BCORL1: variants seen among roughly 807,000 people sequenced by gnomAD.
BCORL1 encodes BCL6 corepressor like 1.
Under a neutral mutation model 87.6 loss-of-function variants are expected in BCORL1, and 7 were observed. The ratio of observed to expected loss-of-function variants is 0.08; its 90% CI spans 0.05 to 0.15. The LOEUF is 0.15. Among genes scored for constraint, BCORL1 ranks in the 10% least tolerant of loss-of-function variants. BCORL1 has a pLI of 1.00. For synonymous variants in BCORL1, 591 were observed against 634.4 expected (o/e 0.93, Z 1.03); for missense variants, 1,215 against 1,499.7 (o/e 0.81, Z 3.13).
chrX:130,012,753 G>T, intron 3 of BCORL1, 85 bp downstream of exon 3: 1 of 1,028,950 alleles, frequency 9.7e-7, no homozygotes, highest in Non-Finnish European at 1.3e-6. Context: ...GCCATCCCAG[G>T]AAGTGGGCAG....
At chrX:130,031,526 A>G (rs1392450882) in intron 8 of BCORL1, among the ~76,000 whole-genome samples, 2 of 112,311 alleles carry the variant, frequency 1.8e-5, no homozygotes, top group East Asian at 5.6e-4. Context: ...GCTCACGCCT[A>G]TAATCCCAGC....
At chrX:130,017,099 T>C in intron 4 of BCORL1, among the ~76,000 whole-genome samples, 1 of 111,994 alleles carries the variant, frequency 8.9e-6, no homozygotes, top group South Asian at 3.7e-4. Context: ...ATGGTCTTTT[T>C]TGGACCATAG....
At position 130,034,475 on chromosome X, in the gene BCORL1, G is replaced by A; in HGVS notation, c.4326G>A (p.Gln1442=). 1 of 983,065 alleles carries A rather than the reference G, an allele frequency of 1.0e-6. No individual in the cohort carries two copies. The allele number at this position is 983,065 out of a possible 1,213,427, so 81.0% of individuals were successfully genotyped here. A position where few individuals can be genotyped will look rare whatever the true frequency, so the allele number is the denominator to read the frequency against. The part of the protein sequence containing the change: ...EEAKGKGRWS[Q]QKTRSPKSPT... ...TCCAGGGCAAAGGTCGTTGGAGCCA[G>A]CAGAAGACACGATCTCCCAAATCTC... Residue 1442 remains glutamine, a synonymous_variant, in exon 9 of 14, where the codon CAG becomes CAA. Coordinates refer to ENST00000540052, the MANE Select transcript of BCORL1 (RefSeq NM_001379451.1).
intron 13 of BCORL1, among the ~76,000 whole-genome samples, chrX:130,053,358 G>A (rs1191219708): frequency 1.8e-5 from 2 of 109,585 alleles, no homozygotes; most frequent in South Asian, 8.1e-4. Context: ...GCACTAGTAG[G>A]GATCAAGTTT....
At chrX:130,041,844 G>C (rs1212858082) in intron 11 of BCORL1, among the ~76,000 whole-genome samples, 2 of 111,319 alleles carry the variant, frequency 1.8e-5, no homozygotes, top group South Asian at 7.5e-4. Flanking sequence ...AGCCAGGATG[G>C]TCTCGATCTC....
intron 11 of BCORL1, among the ~76,000 whole-genome samples, chrX:130,043,938 T>G (rs189890932): frequency 0.016 from 1,642 of 103,498 alleles, 31 homozygotes; most frequent in African/African-American, 0.054. Context: ...CCCGGCTAAT[T>G]TTTTTTGTAT....
chrX:129,982,419 C>T (rs916468579), upstream of BCORL1, among the ~76,000 whole-genome samples: 8 of 111,021 alleles, frequency 7.2e-5, no homozygotes, highest in Non-Finnish European at 7.6e-5. Flanking sequence ...CTGCTTTCGT[C>T]CCTCCCTCTC....
At chrX:130,032,521 A>T (rs1047512558) in intron 8 of BCORL1, among the ~76,000 whole-genome samples, 1 of 111,529 alleles carries the variant, frequency 9.0e-6, no homozygotes, top group Admixed American at 9.5e-5. Context: ...TGTTGGTTAC[A>T]TAGGTCAGCC....
At chrX:130,023,659 A>C (rs1930005914) in intron 6 of BCORL1, among the ~76,000 whole-genome samples, 1 of 112,177 alleles carries the variant, frequency 8.9e-6, no homozygotes, top group African/African-American at 3.2e-5. Context: ...GCGAGGTGGT[A>C]ATTGGGGCTC....
At position 130,055,911 on chromosome X, in the gene BCORL1, G is replaced by C. The variant is rs1340142380; in HGVS notation, c.5133G>C (p.Arg1711Ser). 1 of 1,210,732 alleles carries C rather than the reference G, an allele frequency of 8.3e-7. No individual in the cohort carries two copies. The highest frequency in any genetic ancestry group is 1.7e-5 in the African/African-American group (1 of 57,459). The part of the protein sequence containing the change: ...DVLKRLKLSS[R>S]IFQARFPHFE... ...TGAAGAGGCTGAAGCTTTCCTCGAG[G>C]ATCTTTCAGGCCCGGTTCCCGCACT... Residue 1711 changes from arginine to serine, a missense_variant, in exon 14 of 14, where the codon AGG (arginine) becomes AGC (serine). Transcript: ENST00000540052.
chrX:129,999,402 G>A (rs769356080), intron 1 of BCORL1, among the ~76,000 whole-genome samples: 3 of 96,617 alleles, frequency 3.1e-5, no homozygotes, highest in Admixed American at 1.3e-4. Context: ...TCTGCCTCCC[G>A]GGCTCAAGCA....
At chrX:130,029,109 AG>A (rs1930426247) in intron 8 of BCORL1, among the ~76,000 whole-genome samples, 1 of 112,118 alleles carries the variant, frequency 8.9e-6, no homozygotes, top group Non-Finnish European at 1.9e-5. Context: ...GAAGAGTTAA[AG>A]AATATGGCAG....
upstream of BCORL1, chrX:129,981,474 C>G: frequency 9.0e-6 from 1 of 110,813 alleles, no homozygotes; most frequent in Non-Finnish European, 1.9e-5. Flanking sequence ...ATTTACCCCC[C>G]ACCCAAGCGA....
At chrX:129,983,926 C>T (rs1445585218) in intron 1 of BCORL1, among the ~76,000 whole-genome samples, 2 of 109,661 alleles carry the variant, frequency 1.8e-5, no homozygotes, top group Non-Finnish European at 3.8e-5. Context: ...CAGGGGCAAT[C>T]CCCCGGCCCT....
At chrX:130,029,818 T>C (rs1431697600) in intron 8 of BCORL1, among the ~76,000 whole-genome samples, 1 of 110,178 alleles carries the variant, frequency 9.1e-6, no homozygotes, top group Non-Finnish European at 1.9e-5. Flanking sequence ...GCCCGGCTAA[T>C]TTTTGTATTT....
intron 1 of BCORL1, among the ~76,000 whole-genome samples, chrX:129,985,531 G>T (rs1051507332): frequency 1.8e-5 from 2 of 111,890 alleles, no homozygotes; most frequent in Non-Finnish European, 3.8e-5. Context: ...GAAGCAAAAG[G>T]CTGGGGAGGA....
chrX:130,005,310 G>C lies in BCORL1; in HGVS notation c.79G>C (p.Glu27Gln). Reference sequence around the variant, plus strand: ...CCGGATTCGCATGTGTGGCATCAACGAGGAGAGGTGAGGAGGCCAGGAAGG... The same window carrying C: ...CCGGATTCGCATGTGTGGCATCAACCAGGAGAGGTGAGGAGGCCAGGAAGG... ...SDRIRMCGINEERRAPLSDEE... is the reference protein window; with the variant it reads ...SDRIRMCGINQERRAPLSDEE... Residue 27 changes from glutamate to glutamine, a missense_variant, in exon 2 of 14, where the codon GAG (glutamate) becomes CAG (glutamine). Transcript: ENST00000540052. The C allele has an allele frequency of 8.3e-7, 1 of 1,210,171 alleles. No homozygotes were observed. Among genetic ancestry groups the C allele is most frequent in the Non-Finnish European group, 1.1e-6 (1 of 894,072 alleles).
intron 2 of BCORL1, among the ~76,000 whole-genome samples, chrX:130,011,235 G>A (rs1928937398): frequency 9.3e-6 from 1 of 107,836 alleles, no homozygotes; most frequent in South Asian, 4.1e-4. Context: ...AGTTTTTTTT[G>A]GTTGTTGTTG....
chrX:130,025,486 G>A, intron 7 of BCORL1, 107 bp downstream of exon 7: 2 of 757,480 alleles, frequency 2.6e-6, no homozygotes, highest in Non-Finnish European at 3.8e-6. Flanking sequence ...GAAACCCGGT[G>A]CTATGATCTC....
Sources: gnomAD v4.1 joint callset for allele counts (sites outside exome capture counted in the v4.1 genomes callset) on GRCh38, gnomAD v4.1.1 for gene constraint, MANE v1.5 for transcripts, NCBI Gene and HGNC (gene_info 2026-07-23, HGNC 2026-07-21) for gene names.